Variants in NBAS observed in about 807,000 individuals in gnomAD.
The protein encoded by NBAS is NAG/BC035112 fusion.
In NBAS, 219 loss-of-function variants were observed where a neutral mutation model predicts 302.5. The observed-to-expected ratio is 0.72, with a 90% CI of 0.65 to 0.81. NBAS has a LOEUF of 0.81. Ranked by LOEUF, NBAS falls within the 30% of genes least tolerant of loss-of-function variation. The probability of loss-of-function intolerance (pLI) is 0.00; values close to 1 mark genes in which losing one functional copy is unlikely to be tolerated. For missense variants in NBAS, 2,932 were observed against 2,841.6 expected, an observed-to-expected ratio of 1.03 and a Z score of -0.72; for synonymous variants, 1,118 against 1,021.6, an observed-to-expected ratio of 1.09 and a Z score of -1.80.
At position 15,316,354 on chromosome 2, in the gene NBAS, A is replaced by C. The variant is rs181352765; in HGVS notation, c.4583-7107T>G. On this transcript the variant is annotated intron_variant, in intron 38 of 51. Transcript: ENST00000281513. ...CATTTCCAACTGAGGTACCTGGTTC[A>C]TCTCACTGGGACTGGTTGGACAGTG... Among the ~76,000 whole-genome samples the C allele has an allele frequency of 5.2e-3, 786 of 152,340 alleles. 4 individuals are homozygous for C. Among genetic ancestry groups the C allele is most frequent in the African/African-American group, 0.016 (671 of 41,570 alleles).
chr2:15,384,370 T>C (rs1310388147), intron 28 of NBAS, among the ~76,000 whole-genome samples: 1 of 152,222 alleles, frequency 6.6e-6, no homozygotes, highest in Admixed American at 6.5e-5. Context: ...ATGAGATTAA[T>C]TTTGACAAAA....
the NBAS span, among the ~76,000 whole-genome samples, chr2:15,133,263 AG>A: frequency 2.6e-5 from 4 of 151,432 alleles, no homozygotes; most frequent in Non-Finnish European, 5.9e-5. Context: ...GTTGACTCCT[AG>A]ACGTACACAT....
At chr2:15,103,187 C>T in the NBAS span, among the ~76,000 whole-genome samples, 1 of 152,116 alleles carries the variant, frequency 6.6e-6, no homozygotes, top group African/African-American at 2.4e-5. Flanking sequence ...TCCCTCTGCA[C>T]CTTCAGTCCT....
chr2:15,457,683 T>C (rs1679312678), intron 21 of NBAS, among the ~76,000 whole-genome samples: 1 of 152,120 alleles, frequency 6.6e-6, no homozygotes. Flanking sequence ...CAACCAATGG[T>C]GCGTGGAAAG....
At chr2:15,001,822 G>A in the NBAS span, among the ~76,000 whole-genome samples, 1 of 152,148 alleles carries the variant, frequency 6.6e-6, no homozygotes, top group East Asian at 1.9e-4. Context: ...CCTTCGCGGT[G>A]AGTGTTACAG....
At chr2:14,846,783 C>A in the NBAS span, among the ~76,000 whole-genome samples, 1 of 151,742 alleles carries the variant, frequency 6.6e-6, no homozygotes. Flanking sequence ...TATTTGCAAG[C>A]CTCATGTAGC....
the NBAS span, among the ~76,000 whole-genome samples, chr2:15,009,113 C>T: frequency 3.9e-5 from 6 of 152,300 alleles, no homozygotes; most frequent in East Asian, 1.2e-3. Context: ...CAAGAATGAC[C>T]TTTGCTAAAT....
Position 15,206,106 on chromosome 2 carries a change from T to C in NBAS, c.6432+12667A>G, listed in dbSNP as rs148979200. Reference sequence around the variant, plus strand: ...AAACTTCCTAGAGACTTTAATGGTTTTGACCAAAATGCTGATAGTGATATG... The same window carrying C: ...AAACTTCCTAGAGACTTTAATGGTTCTGACCAAAATGCTGATAGTGATATG... On this transcript the variant is annotated intron_variant, in intron 48 of 51. Transcript: ENST00000281513. 6.5e-3 allele frequency among the ~76,000 whole-genome samples: 993 copies of C among 152,304 alleles called. 8 individuals carry two copies. The highest frequency in any genetic ancestry group is 0.022 in the African/African-American group (897 of 41,564).
chr2:14,937,353 A>G, the NBAS span, among the ~76,000 whole-genome samples: 3 of 152,242 alleles, frequency 2.0e-5, no homozygotes, highest in Non-Finnish European at 4.4e-5. Flanking sequence ...GAACAACCAC[A>G]CGCACAGCAA....
rs142165656 is a variant in NBAS, at chr2:15,422,492, AC to A, written c.2577+1822del. On this transcript the variant is annotated intron_variant, in intron 23 of 51. Transcript: ENST00000281513. ...TATTTCCTACCCAATTTTTCTGCAA[AC>A]CTGAAATTCCTCTAAAAAATAAAGT... Among the ~76,000 whole-genome samples, 759 of 152,190 alleles carry A rather than the reference AC, an allele frequency of 5.0e-3. 2 individuals carry two copies. The highest frequency in any genetic ancestry group is 8.3e-3 in the Non-Finnish European group (563 of 68,018).
the NBAS span, among the ~76,000 whole-genome samples, chr2:15,087,705 C>G: frequency 6.6e-6 from 1 of 152,226 alleles, no homozygotes; most frequent in African/African-American, 2.4e-5. Flanking sequence ...CAGGAAATGT[C>G]AGCCGGTGAG....
Position 15,308,366 on chromosome 2 carries a change from A to G in NBAS, c.4660-13T>C, listed in dbSNP as rs780025303. The G allele has an allele frequency of 3.7e-6, 6 of 1,613,630 alleles. No individual in the cohort carries two copies. The highest frequency in any genetic ancestry group is 5.1e-6 in the Non-Finnish European group (6 of 1,179,772). On this transcript the variant is annotated splice_polypyrimidine_tract_variant and intron_variant, in intron 39 of 51. Transcript: ENST00000281513. ...TAGCATCTAACACCTAGGAGGGAAC[A>G]TGTTAGAATTAACTCAGCTGAAAGG...
intron 44 of NBAS, among the ~76,000 whole-genome samples, chr2:15,273,659 G>T (rs1213244623): frequency 6.6e-6 from 1 of 152,196 alleles, no homozygotes; most frequent in Non-Finnish European, 1.5e-5. Flanking sequence ...GGAAGCAGAA[G>T]TCTAAGAGAG....
chr2:15,346,773 T>C (rs1673110720), intron 35 of NBAS, among the ~76,000 whole-genome samples: 1 of 152,172 alleles, frequency 6.6e-6, no homozygotes, highest in African/African-American at 2.4e-5. Context: ...AAGGACAGAC[T>C]GGATAAAGAA....
At chr2:15,132,198 G>A in the NBAS span, among the ~76,000 whole-genome samples, 2 of 152,164 alleles carry the variant, frequency 1.3e-5, no homozygotes, top group Non-Finnish European at 2.9e-5. Context: ...GTAGGTGAAT[G>A]GATAAATAAA....
chr2:15,316,403 T>C (rs1024826237), intron 38 of NBAS, among the ~76,000 whole-genome samples: 2 of 152,048 alleles, frequency 1.3e-5, no homozygotes, highest in African/African-American at 4.8e-5. Flanking sequence ...GAGGGCGAGA[T>C]GAAGTAGGGC....
chr2:15,029,798 C>T, the NBAS span, among the ~76,000 whole-genome samples: 1 of 152,162 alleles, frequency 6.6e-6, no homozygotes. Flanking sequence ...TCCAACTTTG[C>T]CACTGACTGC....
the NBAS span, among the ~76,000 whole-genome samples, chr2:14,936,449 C>T: frequency 6.6e-6 from 1 of 152,196 alleles, no homozygotes; most frequent in Non-Finnish European, 1.5e-5. Flanking sequence ...CTGTGCTGCA[C>T]CTCTAAGGAG....
At chr2:14,872,571 T>C in the NBAS span, among the ~76,000 whole-genome samples, 1 of 152,222 alleles carries the variant, frequency 6.6e-6, no homozygotes, top group Non-Finnish European at 1.5e-5. Flanking sequence ...TTATTCCTAC[T>C]GGTAGGTTCA....
Sources: gnomAD v4.1 joint callset for allele counts (sites outside exome capture counted in the v4.1 genomes callset) on GRCh38, gnomAD v4.1.1 for gene constraint, MANE v1.5 for transcripts, NCBI Gene and HGNC (gene_info 2026-07-23, HGNC 2026-07-21) for gene names.